Variants in PGM1 observed in about 807,000 individuals in gnomAD.
PGM1 encodes phosphoglucomutase 1.
PGM1 carries 52 observed loss-of-function variants against 55.6 expected under a neutral mutation model. The ratio of observed to expected loss-of-function variants is 0.94; its 90% confidence interval spans 0.75 to 1.18. The LOEUF is 1.18. Ranked by LOEUF, PGM1 falls within the 50% of genes most tolerant of loss-of-function variation. The pLI is 0.00. For missense variants in PGM1, 724 were observed against 729.3 expected (o/e 0.99, Z 0.08); for synonymous variants, 287 against 271.7 (o/e 1.06, Z -0.55).
chr1:63,647,335 T>C (rs1649685006), intron 7 of PGM1, among the ~76,000 whole-genome samples: 1 of 135,948 alleles, frequency 7.4e-6, no homozygotes, highest in South Asian at 2.4e-4. Context: ...TTAAGTGCTA[T>C]CCACTTTTAA....
intron 1 of PGM1, among the ~76,000 whole-genome samples, chr1:63,605,633 G>A (rs372067223): frequency 2.0e-5 from 3 of 152,064 alleles, no homozygotes; most frequent in Admixed American, 6.5e-5. Context: ...GCTGAGTGCA[G>A]TGGTGTGATC....
At chr1:63,623,776 G>A (rs2100977085) in intron 1 of PGM1, 1 of 1,562,828 alleles carries the variant, frequency 6.4e-7, no homozygotes, top group Non-Finnish European at 8.8e-7. Context: ...TATATGATAA[G>A]TATTGTTATG....
chr1:63,627,338 G>C (rs1026279832), intron 1 of PGM1, among the ~76,000 whole-genome samples: 2 of 152,108 alleles, frequency 1.3e-5, no homozygotes, highest in Non-Finnish European at 2.9e-5. Flanking sequence ...AGATGGGTTT[G>C]AGTAGGTCAG....
Position 63,654,341 on chromosome 1 carries a change from C to A in PGM1, c.1474C>A (p.Leu492Ile). Residue 492 changes from leucine (L) to isoleucine (I), a missense_variant, in exon 10 of 11, where the codon CTC becomes ATC. Transcript: ENST00000371084. ...GSISRNQGLR[L>I]IFTDGSRIVF... Reference sequence around the variant, plus strand: ...TGCTTATCTTTTCCAGGGCTTGCGCCTCATTTTCACAGATGGTTCTCGAAT... The same window carrying A: ...TGCTTATCTTTTCCAGGGCTTGCGCATCATTTTCACAGATGGTTCTCGAAT... The A allele has an allele frequency of 6.2e-7, 1 of 1,613,984 alleles. No homozygotes were observed. Among genetic ancestry groups the A allele is most frequent in the South Asian group, 1.1e-5 (1 of 91,070 alleles).
intron 10 of PGM1, among the ~76,000 whole-genome samples, chr1:63,657,542 G>A (rs556879889): frequency 3.3e-5 from 5 of 152,180 alleles, no homozygotes; most frequent in African/African-American, 1.2e-4. Context: ...GTTTAGTAAT[G>A]TTGTACATAT....
At chr1:63,637,922 T>TA (rs1368702848) in intron 6 of PGM1, among the ~76,000 whole-genome samples, 1 of 152,210 alleles carries the variant, frequency 6.6e-6, no homozygotes, top group Non-Finnish European at 1.5e-5. Context: ...TTCCTGGAAA[T>TA]AAGGCAAACA....
intron 7 of PGM1, among the ~76,000 whole-genome samples, chr1:63,641,615 A>G (rs1249110639): frequency 1.3e-5 from 2 of 152,174 alleles, no homozygotes; most frequent in Admixed American, 1.3e-4. Flanking sequence ...CAATTTCTCA[A>G]AAACGTTTCC....
intron 7 of PGM1, among the ~76,000 whole-genome samples, chr1:63,639,304 G>A (rs920555544): frequency 2.6e-5 from 4 of 152,126 alleles, no homozygotes; most frequent in African/African-American, 9.7e-5. Flanking sequence ...AAGTTGCTAG[G>A]TGATCAAGAA....
At chr1:63,606,828 C>T (rs1212749410) in intron 1 of PGM1, among the ~76,000 whole-genome samples, 4 of 152,158 alleles carry the variant, frequency 2.6e-5, no homozygotes, top group Non-Finnish European at 5.9e-5. Flanking sequence ...GGTAGTGTTA[C>T]AGAGAGAAGA....
chr1:63,602,593 C>G (rs1025476303), intron 1 of PGM1, among the ~76,000 whole-genome samples: 1 of 122,804 alleles, frequency 8.1e-6, no homozygotes, highest in African/African-American at 3.7e-5. Context: ...ATGTTGTACT[C>G]CAATGTGCTC....
In PGM1 at chr1:63,659,501, G is replaced by A. The variant is rs969127111; in HGVS notation, c.1600-85G>A. On this transcript the variant is annotated intron_variant, in intron 10 of 10. Coordinates refer to ENST00000371084, the MANE Select transcript of PGM1 (RefSeq NM_002633.3). ...TTTGAGGAGCCTTGGAGACCTGGAA[G>A]TAGGCAGTCAGACGTACGGGTTTGG... The A allele has an allele frequency of 3.7e-6, 4 of 1,074,532 alleles. No homozygotes were observed. In the African/African-American group the frequency reaches 6.2e-5, roughly 17 times the overall value. The allele number at this position is 1,074,532 out of a possible 1,614,324, so 66.6% of individuals were successfully genotyped here. A position where few individuals can be genotyped will look rare whatever the true frequency, so the allele number is the denominator to read the frequency against.
At chr1:63,641,701 G>A (rs143280676) in intron 7 of PGM1, among the ~76,000 whole-genome samples, 1 of 152,206 alleles carries the variant, frequency 6.6e-6, no homozygotes, top group East Asian at 1.9e-4. Flanking sequence ...TGTTGTACTT[G>A]TTGCAGCTGT....
At chr1:63,629,666 G>C in intron 2 of PGM1, 79 bp downstream of exon 2, 1 of 1,438,016 alleles carries the variant, frequency 7.0e-7, no homozygotes, top group Non-Finnish European at 9.7e-7. Flanking sequence ...TGGGAGACCA[G>C]GGTTTTGGTT....
intron 7 of PGM1, among the ~76,000 whole-genome samples, chr1:63,639,088 T>C (rs1324163021): frequency 2.0e-5 from 3 of 152,198 alleles, no homozygotes; most frequent in Non-Finnish European, 4.4e-5. Context: ...AACAGAGCGA[T>C]AAACAGATTT....
At position 63,630,265 on chromosome 1, in the gene PGM1, G is replaced by A. The variant is rs146434036; in HGVS notation, c.556+177G>A. ...ATTAGGTTTGGGAGACCAGAGACCT[G>A]GGCTCCCTGGGCCCTGCCAGGGATC... is the stretch of plus-strand genomic sequence containing the variant. On this transcript the variant is annotated intron_variant, in intron 3 of 10. Coordinates refer to ENST00000371084, the MANE Select transcript of PGM1 (RefSeq NM_002633.3). Among the ~76,000 whole-genome samples, 379 of 152,222 alleles carry A rather than the reference G, an allele frequency of 2.5e-3. 5 individuals carry two copies. Among genetic ancestry groups the A allele is most frequent in the African/African-American group, 8.8e-3 (366 of 41,534 alleles).
intron 1 of PGM1, among the ~76,000 whole-genome samples, chr1:63,610,078 A>C (rs1274088519): frequency 6.6e-6 from 1 of 152,244 alleles, no homozygotes; most frequent in Non-Finnish European, 1.5e-5. Context: ...GTACAATATC[A>C]TGTATACTGC....
chr1:63,623,807 C>G (rs1469147679), intron 1 of PGM1: 4 of 1,336,422 alleles, frequency 3.0e-6, no homozygotes, highest in Non-Finnish European at 4.2e-6. Context: ...TCCAAATAAC[C>G]TTAATTTTAC....
At chr1:63,655,319 TCTG>T (rs1170476155) in intron 10 of PGM1, among the ~76,000 whole-genome samples, 2 of 152,202 alleles carry the variant, frequency 1.3e-5, no homozygotes, top group East Asian at 3.8e-4. Flanking sequence ...CATCTGGTGT[TCTG>T]CTCTGTCTGC....
chr1:63,632,183 A>T (rs1232202105), intron 4 of PGM1, among the ~76,000 whole-genome samples: 1 of 151,852 alleles, frequency 6.6e-6, no homozygotes, highest in African/African-American at 2.4e-5. Context: ...CCTGCCCCCA[A>T]ATGCTCGTTT....
Sources: allele counts gnomAD v4.1 joint callset (sites outside exome capture counted in the v4.1 genomes callset), GRCh38; gene constraint gnomAD v4.1.1; transcripts MANE v1.5; gene names NCBI Gene and HGNC (gene_info 2026-07-23, HGNC 2026-07-21).